The following ZFHX4 variants were observed in gnomAD, a reference collection of about 807,000 sequenced individuals.
ZFHX4 encodes the protein zinc finger homeobox 4.
ZFHX4 carries 56 observed loss-of-function variants against 267.6 expected under a neutral mutation model. The ratio of observed to expected loss-of-function variants is 0.21; its 90% CI spans 0.17 to 0.26. The LOEUF is 0.26. ZFHX4 is among the 10% of genes least tolerant of loss of function. The pLI is 1.00. For missense variants in ZFHX4, 4,332 were observed against 4,420.0 expected (o/e 0.98, Z 0.56); for synonymous variants, 1,778 against 1,665.6 (o/e 1.07, Z -1.64).
intron 4 of ZFHX4, among the ~76,000 whole-genome samples, chr8:76,791,265 G>A (rs1385847758): frequency 6.6e-6 from 1 of 152,076 alleles, no homozygotes; most frequent in African/African-American, 2.4e-5. Context: ...AGATCACACA[G>A]CACTGCTGAT....
Position 76,864,587 on chromosome 8 carries a change from C to A in ZFHX4, c.*22C>A. On this transcript the variant is annotated 3_prime_UTR_variant, in exon 11 of 11. Transcript: ENST00000651372. ...GTAGGAGTGAAGACAGGATCCCGTGCTTAAAAAAATAAAAAATAAAAAAAT... is the reference window on the plus strand; with the variant it reads ...GTAGGAGTGAAGACAGGATCCCGTGATTAAAAAAATAAAAAATAAAAAAAT... The A allele has an allele frequency of 4.4e-6, 6 of 1,350,152 alleles. No individual in the cohort carries two copies. The highest frequency in any genetic ancestry group is 2.0e-5 in the South Asian group (1 of 51,012). 83.6% of individuals were successfully genotyped at this position (1,350,152 alleles called of 1,614,324 possible).
rs117384624 is a variant in ZFHX4, at chr8:76,765,740, G to C, written c.3094-12468G>C. Among the ~76,000 whole-genome samples the C allele has an allele frequency of 3.2e-4, 48 of 152,182 alleles. No individual in the cohort carries two copies. The East Asian group carries it at 9.1e-3, about 29-fold the overall frequency. On this transcript the variant is annotated intron_variant, in intron 3 of 10. Transcript: ENST00000651372. Reference sequence around the variant, plus strand: ...CCTGTCTATTGCATTGCCAGGCACAGTACCGTTAGGTATGGCACACTTGTT... The same window carrying C: ...CCTGTCTATTGCATTGCCAGGCACACTACCGTTAGGTATGGCACACTTGTT...
At chr8:76,762,261 A>G (rs995767729) in intron 3 of ZFHX4, among the ~76,000 whole-genome samples, 1 of 152,190 alleles carries the variant, frequency 6.6e-6, no homozygotes, top group Non-Finnish European at 1.5e-5. Flanking sequence ...GAGAAAAGAA[A>G]AAGGTATAGA....
At chr8:76,832,911 T>TC (rs751957467) in intron 4 of ZFHX4, among the ~76,000 whole-genome samples, 1 of 152,180 alleles carries the variant, frequency 6.6e-6, no homozygotes, top group Non-Finnish European at 1.5e-5. Context: ...CTTTGGCACA[T>TC]CAGCTATCAT....
chr8:76,791,817 A>T (rs1203527979), intron 4 of ZFHX4, among the ~76,000 whole-genome samples: 1 of 152,164 alleles, frequency 6.6e-6, no homozygotes, highest in East Asian at 1.9e-4. Flanking sequence ...AATATTGAAA[A>T]TGTGTAAGAT....
chr8:76,830,532 G>T (rs1811905989), intron 4 of ZFHX4, among the ~76,000 whole-genome samples: 1 of 152,104 alleles, frequency 6.6e-6, no homozygotes, highest in Non-Finnish European at 1.5e-5. Flanking sequence ...TACACAGGCA[G>T]AAAAATATAG....
rs1392149329 is a variant in ZFHX4 at position 76,691,837 on chromosome 8, T to A, written c.-47+10217T>A. 2.0e-5 allele frequency among the ~76,000 whole-genome samples: 3 copies of A among 152,268 alleles called. No homozygotes were observed. The East Asian group carries it at 5.8e-4, about 29-fold the overall frequency. ...GATCCGTATGTTCCTTTTTTGTTTTTTCCCAATGGTTGTTTCAAAGTCATG... is the reference window on the plus strand; with the variant it reads ...GATCCGTATGTTCCTTTTTTGTTTTATCCCAATGGTTGTTTCAAAGTCATG... On this transcript the variant is annotated intron_variant, in intron 1 of 10. Coordinates refer to ENST00000651372, the MANE Select transcript of ZFHX4 (RefSeq NM_024721.5).
intron 4 of ZFHX4, among the ~76,000 whole-genome samples, chr8:76,832,991 A>G (rs941895489): frequency 2.0e-5 from 3 of 152,092 alleles, no homozygotes; most frequent in Non-Finnish European, 2.9e-5. Flanking sequence ...CTCATAATTT[A>G]TGTAATGTGC....
At chr8:76,820,294 T>G (rs1811615477) in intron 4 of ZFHX4, among the ~76,000 whole-genome samples, 1 of 152,194 alleles carries the variant, frequency 6.6e-6, no homozygotes, top group Non-Finnish European at 1.5e-5. Flanking sequence ...TTTTGCACAT[T>G]TTTTTACTTT....
chr8:76,716,377 C>A (rs1288928581), intron 3 of ZFHX4, among the ~76,000 whole-genome samples: 2 of 152,134 alleles, frequency 1.3e-5, no homozygotes, highest in South Asian at 2.1e-4. Flanking sequence ...AAGTTAAATT[C>A]TTTGTGTACA....
chr8:76,695,891 T>C (rs1008544944), intron 1 of ZFHX4, among the ~76,000 whole-genome samples: 1 of 152,238 alleles, frequency 6.6e-6, no homozygotes. Context: ...CCAACTATTG[T>C]CTGTTTGCAC....
At chr8:76,803,309 G>C (rs1466883979) in intron 4 of ZFHX4, among the ~76,000 whole-genome samples, 2 of 151,794 alleles carry the variant, frequency 1.3e-5, no homozygotes, top group Non-Finnish European at 2.9e-5. Context: ...AGAGGGTAAG[G>C]TGGCATATGT....
chr8:76,856,139 T>A lies in ZFHX4; in HGVS notation c.9218T>A (p.Val3073Glu). Residue 3073 changes from valine to glutamate, a missense_variant, in exon 10 of 11, where the codon GTG (valine) becomes GAG (glutamate). Val to Glu is a moderately radical substitution (Grantham distance 121, BLOSUM62 -2). Transcript: ENST00000651372. ...GATCGTATAAAGAAAGCTTCAGACG[T>A]GCTGGGCTTGACGGTACAGCAGCCA... ...ELDRIKKASD[V>E]LGLTVQQPGM... The A allele has an allele frequency of 6.2e-7, 1 of 1,613,982 alleles. No homozygotes were observed. Among genetic ancestry groups the A allele is most frequent in the Non-Finnish European group, 8.5e-7 (1 of 1,179,860 alleles).
At chr8:76,708,127 C>A in intron 3 of ZFHX4, 79 bp downstream of exon 3, 2 of 1,551,628 alleles carry the variant, frequency 1.3e-6, no homozygotes, top group Non-Finnish European at 1.8e-6. Flanking sequence ...CACAAGTCTC[C>A]AACTTAAGGA....
intron 3 of ZFHX4, among the ~76,000 whole-genome samples, chr8:76,709,782 C>T (rs1158237263): frequency 1.5e-5 from 2 of 136,432 alleles, no homozygotes; most frequent in South Asian, 2.5e-4. Context: ...TGTATGTGTG[C>T]GTGTGTGTGC....
intron 3 of ZFHX4, among the ~76,000 whole-genome samples, chr8:76,759,636 G>A (rs1809856409): frequency 6.6e-6 from 1 of 152,142 alleles, no homozygotes; most frequent in Non-Finnish European, 1.5e-5. Context: ...ATCTGGCTAA[G>A]TTTAGGTTTG....
chr8:76,784,617 T>A (rs145587524), intron 4 of ZFHX4, among the ~76,000 whole-genome samples: 123 of 152,148 alleles, frequency 8.1e-4, no homozygotes, highest in African/African-American at 2.9e-3. Flanking sequence ...ACAGCCAGAA[T>A]ATATAGCAGG....
At chr8:76,724,532 C>T (rs1453355927) in intron 3 of ZFHX4, among the ~76,000 whole-genome samples, 3 of 151,952 alleles carry the variant, frequency 2.0e-5, no homozygotes, top group Non-Finnish European at 2.9e-5. Context: ...AAATGGCAAG[C>T]GTTTTCAAAG....
At chr8:76,826,058 A>T (rs1811777213) in intron 4 of ZFHX4, among the ~76,000 whole-genome samples, 1 of 152,210 alleles carries the variant, frequency 6.6e-6, no homozygotes, top group Non-Finnish European at 1.5e-5. Flanking sequence ...ATGGTTCTGT[A>T]GGCTGTATAA....
Sources: gnomAD v4.1 joint callset for allele counts (sites outside exome capture counted in the v4.1 genomes callset) on GRCh38, gnomAD v4.1.1 for gene constraint, MANE v1.5 for transcripts, NCBI Gene and HGNC (gene_info 2026-07-23, HGNC 2026-07-21) for gene names.